Variants in DMRT1 observed in about 807,000 individuals in gnomAD.
The protein encoded by DMRT1 is doublesex- and mab-3-related transcription factor 1.
DMRT1 carries 7 observed loss-of-function variants against 32.3 expected under a neutral mutation model. The observed-to-expected ratio is 0.22, with a 90% CI of 0.12 to 0.41. The LOEUF (loss-of-function observed/expected upper bound fraction) is 0.41. Ranked by LOEUF, DMRT1 falls within the 10% of genes least tolerant of loss-of-function variation. The pLI is 1.00. For missense variants in DMRT1, 625 were observed against 500.5 expected (o/e 1.25, Z -2.37); for synonymous variants, 278 against 206.1 (o/e 1.35, Z -2.99).
chr9:951,964 A>G (rs565861548), intron 4 of DMRT1, among the ~76,000 whole-genome samples: 1 of 152,316 alleles, frequency 6.6e-6, no homozygotes, highest in East Asian at 1.9e-4. Context: ...GTTTTGAGCT[A>G]AGGAGCTTGC....
chr9:902,613 T>G (rs1256180158), intron 3 of DMRT1, among the ~76,000 whole-genome samples: 1 of 151,406 alleles, frequency 6.6e-6, no homozygotes, highest in South Asian at 2.1e-4. Flanking sequence ...CTCAGCCTCC[T>G]GAGTAGCTGG....
chr9:857,593 C>G (rs961714437), intron 2 of DMRT1, among the ~76,000 whole-genome samples: 6 of 152,084 alleles, frequency 3.9e-5, no homozygotes, highest in Non-Finnish European at 5.9e-5. Context: ...TGCCCTAAAA[C>G]TTGGCAGGAA....
chr9:852,575 C>T (rs1815199140), intron 2 of DMRT1, among the ~76,000 whole-genome samples: 1 of 152,144 alleles, frequency 6.6e-6, no homozygotes, highest in Non-Finnish European at 1.5e-5. Flanking sequence ...GCATAGTTCT[C>T]TTCCTCTCCT....
intron 3 of DMRT1, among the ~76,000 whole-genome samples, chr9:906,774 G>A (rs1015968258): frequency 6.6e-6 from 1 of 152,166 alleles, no homozygotes; most frequent in African/African-American, 2.4e-5. Flanking sequence ...CAGCAAAGTA[G>A]GTCTTTATAC....
In DMRT1 at chr9:965,030, T is replaced by A. The variant is rs1564280793; in HGVS notation, c.968-2955T>A. Among the ~76,000 whole-genome samples, 1 of 152,212 alleles carries A rather than the reference T, an allele frequency of 6.6e-6. No homozygotes were observed. The highest frequency in any genetic ancestry group is 1.5e-5 in the Non-Finnish European group (1 of 68,036). The stretch of plus-strand genomic sequence containing the variant: ...TAGATTTTTGAATTTTTAATTGGTA[T>A]GAAATAATTTACAACGGTCAACTAT... On this transcript the variant is annotated intron_variant, in intron 4 of 4. Transcript: ENST00000382276. This position sits in a 1 kb window ranked among gnomAD's most constrained non-coding sequence, Gnocchi z 4.5.
intron 3 of DMRT1, among the ~76,000 whole-genome samples, chr9:905,338 C>T (rs1488342189): frequency 6.6e-6 from 1 of 152,130 alleles, no homozygotes; most frequent in Admixed American, 6.6e-5. Context: ...TATCACATTC[C>T]TTCTCACAAC....
chr9:890,198 C>T (rs1817090930), intron 2 of DMRT1, among the ~76,000 whole-genome samples: 1 of 151,092 alleles, frequency 6.6e-6, no homozygotes, highest in Non-Finnish European at 1.5e-5. Context: ...CCGCCCGCCT[C>T]AGCCTCCCAA....
intron 2 of DMRT1, among the ~76,000 whole-genome samples, chr9:850,862 C>G (rs1402259929): frequency 6.6e-6 from 1 of 151,926 alleles, no homozygotes; most frequent in East Asian, 1.9e-4. Flanking sequence ...AACCCCATCT[C>G]TACTGAAAAT....
At chr9:864,203 CTTTTTTTTCTTTT>C (rs1815857399) in intron 2 of DMRT1, among the ~76,000 whole-genome samples, 1 of 43,898 alleles carries the variant, frequency 2.3e-5, no homozygotes, top group Non-Finnish European at 3.7e-5. Context: ...TCTTCTTCTT[CTTTTTTTTCTTTT>C]TTTTTTTTTG....
At chr9:846,876 G>C in intron 1 of DMRT1, 84 bp from the exon 2 acceptor site, 1 of 1,512,904 alleles carries the variant, frequency 6.6e-7, no homozygotes, top group Admixed American at 1.7e-5. Context: ...GTGAATCATG[G>C]TGTCTGGGAT....
chr9:920,432 T>A (rs753736298), intron 4 of DMRT1, among the ~76,000 whole-genome samples: 6 of 152,088 alleles, frequency 3.9e-5, no homozygotes, highest in Non-Finnish European at 8.8e-5. Flanking sequence ...TGCTGATATG[T>A]CAAATGAGAT....
At chr9:879,145 C>T (rs4740955) in intron 2 of DMRT1, among the ~76,000 whole-genome samples, 12,261 of 152,094 alleles carry the variant, frequency 0.081, 589 homozygotes, top group Admixed American at 0.15. Flanking sequence ...AATCAGTCCC[C>T]CTAAAAAGAC....
In DMRT1 at chr9:847,044, G is replaced by A. The variant is rs148670970; in HGVS notation, c.439G>A (p.Val147Ile). 3.7e-5 allele frequency: 59 copies of A among 1,614,032 alleles called. No homozygotes were observed. In the African/African-American group the frequency reaches 7.3e-4, roughly 20 times the overall value. ...ACTGCCCAGTGCGGCCGAGCTGCTT[G>A]TCAAAAGAGAGAACAATGGCAGTAA... ...IPLPSAAELL[V>I]KRENNGSNPC... is the part of the protein sequence containing the mutation. The change falls in exon 2 of 5, where the codon GTC becomes ATC. Residue 147 changes from valine to isoleucine, a missense_variant. By Grantham distance (29) the Val-to-Ile change is conservative. Transcript: ENST00000382276.
At chr9:856,073 T>C (rs559433104) in intron 2 of DMRT1, among the ~76,000 whole-genome samples, 22 of 152,144 alleles carry the variant, frequency 1.4e-4, no homozygotes, top group African/African-American at 5.3e-4. Flanking sequence ...CCCGCCACCA[T>C]GCCCAGCTAA....
In DMRT1 at chr9:892,238, G is replaced by T. The variant is rs552156002; in HGVS notation, c.539-1674G>T. Among the ~76,000 whole-genome samples the T allele has an allele frequency of 4.6e-5, 7 of 152,308 alleles. No individual in the cohort carries two copies. The East Asian group carries it at 1.4e-3, about 29-fold the overall frequency. On this transcript the variant is annotated intron_variant, in intron 2 of 4. Transcript: ENST00000382276. Reference sequence around the variant, plus strand: ...AGTCAGCTTTAACCTCTGTGACGTTGTATTCTCTGTTTTTCACGCTCCAGG... The same window carrying T: ...AGTCAGCTTTAACCTCTGTGACGTTTTATTCTCTGTTTTTCACGCTCCAGG...
intron 2 of DMRT1, among the ~76,000 whole-genome samples, chr9:850,899 C>T (rs967360570): frequency 2.0e-5 from 3 of 151,992 alleles, no homozygotes; most frequent in Admixed American, 1.3e-4. Flanking sequence ...CATGGTGGCA[C>T]ACGCCTGTAA....
At chr9:849,740 C>T (rs1358124390) in intron 2 of DMRT1, among the ~76,000 whole-genome samples, 2 of 152,100 alleles carry the variant, frequency 1.3e-5, no homozygotes, top group African/African-American at 2.4e-5. Context: ...AAGCCTACAG[C>T]GTGCTGTGCT....
chr9:862,498 G>A (rs1435464443), intron 2 of DMRT1, among the ~76,000 whole-genome samples: 1 of 146,568 alleles, frequency 6.8e-6, no homozygotes, highest in Non-Finnish European at 1.5e-5. Context: ...AAGGGGAGAC[G>A]AGGACCGTGC....
intron 2 of DMRT1, among the ~76,000 whole-genome samples, chr9:848,726 G>T (rs1253731367): frequency 2.7e-5 from 4 of 147,258 alleles, no homozygotes; most frequent in African/African-American, 9.9e-5. Context: ...ACTAATTTTT[G>T]TATTTTTTAG....
Sources: allele counts gnomAD v4.1 joint callset (sites outside exome capture counted in the v4.1 genomes callset), GRCh38; gene constraint gnomAD v4.1.1; non-coding constraint Gnocchi (gnomAD v3.1); transcripts MANE v1.5; gene names NCBI Gene and HGNC (gene_info 2026-07-23, HGNC 2026-07-21).